Variants in ADGRV1 observed in about 807,000 individuals in gnomAD.
ADGRV1 encodes the protein adhesion G protein-coupled receptor V1, also known as G-protein coupled receptor 98.
ADGRV1 carries 359 observed loss-of-function variants against 596.2 expected under a neutral mutation model. The observed-to-expected ratio is 0.60, with a 90% CI of 0.55 to 0.66. ADGRV1 has a LOEUF of 0.66. Among genes scored for constraint, ADGRV1 ranks in the 30% least tolerant of loss-of-function variants. The probability of loss-of-function intolerance (pLI) is 0.00; values close to 1 mark genes in which losing one functional copy is unlikely to be tolerated. For synonymous variants in ADGRV1, 2,681 were observed against 2,679.2 expected (o/e 1.00, Z -0.02); for missense variants, 7,274 against 7,575.6 (o/e 0.96, Z 1.48).
At chr5:90,866,879 C>T (rs1423637112) in intron 83 of ADGRV1, among the ~76,000 whole-genome samples, 2 of 152,006 alleles carry the variant, frequency 1.3e-5, no homozygotes, top group Non-Finnish European at 2.9e-5. Flanking sequence ...AAAAAATGTA[C>T]ATATTTCTTC....
At chr5:90,917,373 T>TAATAACCTTAA (rs533601677) in intron 83 of ADGRV1, among the ~76,000 whole-genome samples, 1 of 152,124 alleles carries the variant, frequency 6.6e-6, no homozygotes, top group African/African-American at 2.4e-5. Flanking sequence ...TATTCTAATT[T>TAATAACCTTAA]AAGTGACTTT....
chr5:91,030,139 A>T (rs1208387142), intron 85 of ADGRV1, among the ~76,000 whole-genome samples: 2 of 151,974 alleles, frequency 1.3e-5, no homozygotes, highest in African/African-American at 4.8e-5. Flanking sequence ...CCAACACCAT[A>T]CTCTTTTAAT....
intron 83 of ADGRV1, among the ~76,000 whole-genome samples, chr5:90,935,883 C>G (rs564637844): frequency 3.9e-5 from 6 of 152,284 alleles, no homozygotes; most frequent in Non-Finnish European, 7.4e-5. Context: ...GAGGCTAAGG[C>G]AGGAGGATTA....
intron 89 of ADGRV1, among the ~76,000 whole-genome samples, chr5:91,159,857 G>C (rs1210924937): frequency 2.0e-5 from 3 of 152,234 alleles, no homozygotes; most frequent in African/African-American, 7.2e-5. Flanking sequence ...GATGAGGGTA[G>C]GATGGAAAGG....
At chr5:90,943,964 G>T (rs984673676) in intron 83 of ADGRV1, among the ~76,000 whole-genome samples, 5 of 152,152 alleles carry the variant, frequency 3.3e-5, no homozygotes, top group African/African-American at 1.2e-4. Context: ...TGTAGGGGGG[G>T]CACTATTCAA....
chr5:90,690,949 GTTGTCTCAGGTAATGTGACCT>G lies in ADGRV1; in HGVS notation c.6863_6883del (p.Val2288_Phe2294del). On this transcript the variant is annotated inframe_deletion, in exon 31 of 90. Transcript: ENST00000405460. ...ACAGCTTGCTACTGGCGACCTGCGAGTTGTCTCAGGTAATGTGACCTTTGCCCCTGGGGAAACCATTCAAAC... is the reference window on the plus strand; with the variant it reads ...ACAGCTTGCTACTGGCGACCTGCGAGTTGCCCCTGGGGAAACCATTCAAAC... The G allele has an allele frequency of 6.2e-7, 1 of 1,613,862 alleles. No homozygotes were observed. The highest frequency in any genetic ancestry group is 8.5e-7 in the Non-Finnish European group (1 of 1,179,806).
intron 83 of ADGRV1, among the ~76,000 whole-genome samples, chr5:90,927,146 AG>A (rs1463651294): frequency 6.6e-6 from 1 of 150,554 alleles, no homozygotes; most frequent in East Asian, 1.9e-4. Context: ...GATGTCTATT[AG>A]GTCCGCTTGG....
At chr5:90,769,720 T>C (rs575358261) in intron 59 of ADGRV1, among the ~76,000 whole-genome samples, 1 of 152,184 alleles carries the variant, frequency 6.6e-6, no homozygotes, top group Non-Finnish European at 1.5e-5. Flanking sequence ...ACTCAAGCTT[T>C]TGTTTCTTCA....
Position 90,654,782 on chromosome 5 carries a change from T to C in ADGRV1, c.4378+830T>C, listed in dbSNP as rs371518533. ...AAAGATAGGCAAAGGAAAATGCACGTATCTACCAATTTCAATCCCATGGAT... is the reference window on the plus strand; with the variant it reads ...AAAGATAGGCAAAGGAAAATGCACGCATCTACCAATTTCAATCCCATGGAT... On this transcript the variant is annotated intron_variant, in intron 20 of 89. Coordinates refer to ENST00000405460, the MANE Select transcript of ADGRV1 (RefSeq NM_032119.4). The C allele has an allele frequency of 5.9e-5, 9 of 152,344 alleles. No homozygotes were observed. The South Asian group carries it at 1.7e-3, about 28-fold the overall frequency. The allele number at this position is 152,344 out of a possible 1,614,324, so 9.4% of individuals were successfully genotyped here. A position where few individuals can be genotyped will look rare whatever the true frequency, so the allele number is the denominator to read the frequency against.
At chr5:90,743,557 C>A (rs1049973986) in intron 50 of ADGRV1, among the ~76,000 whole-genome samples, 5 of 147,432 alleles carry the variant, frequency 3.4e-5, no homozygotes, top group African/African-American at 1.3e-4. Flanking sequence ...CTGCAAGCTT[C>A]GCCCCCTGGG....
At chr5:91,041,548 A>C (rs1785354376) in intron 85 of ADGRV1, among the ~76,000 whole-genome samples, 1 of 151,854 alleles carries the variant, frequency 6.6e-6, no homozygotes, top group Admixed American at 6.6e-5. Context: ...TGACGGGTTG[A>C]TGGGTGCAGT....
Position 90,781,558 on chromosome 5 carries a change from C to T in ADGRV1, c.13211C>T (p.Pro4404Leu). ...DNAEGIIEFD[P>L]KYTAFEVEED... ...GCAGAAGGCATCATTGAATTTGACC[C>T]AAAGTATACTGCCTTCGAAGGTAGG... is the stretch of plus-strand genomic sequence containing the variant. The change falls in exon 65 of 90, where the codon CCA (proline) becomes CTA (leucine). Residue 4404 changes from proline to leucine, a missense_variant. Around this residue, in one of 5 missense-constraint regions of ADGRV1, gnomAD observed 3,643 missense variants for 3,809.2 expected, o/e 0.96. Transcript: ENST00000405460. 6.2e-7 allele frequency: 1 copy of T among 1,609,538 alleles called. No homozygotes were observed. Among genetic ancestry groups the T allele is most frequent in the Non-Finnish European group, 8.5e-7 (1 of 1,177,230 alleles).
At chr5:90,728,363 C>T (rs1183209010) in intron 48 of ADGRV1, among the ~76,000 whole-genome samples, 1 of 152,108 alleles carries the variant, frequency 6.6e-6, no homozygotes, top group Non-Finnish European at 1.5e-5. Context: ...TTCCCTTTCC[C>T]TGCTGTCAAC....
chr5:90,690,926 A>G lies in ADGRV1; in HGVS notation c.6836A>G (p.Gln2279Arg), dbSNP rs1374387670. 1 of 1,613,742 alleles carries G rather than the reference A, an allele frequency of 6.2e-7. No individual in the cohort carries two copies. Among genetic ancestry groups the G allele is most frequent in the East Asian group, 2.2e-5 (1 of 44,884 alleles). Residue 2279 changes from glutamine (Q) to arginine (R), a missense_variant, in exon 31 of 90, where the codon CAG becomes CGG. Coordinates refer to ENST00000405460, the MANE Select transcript of ADGRV1 (RefSeq NM_032119.4). ...TVQWVATING[Q>R]LATGDLRVVS... ...CAGTGGGTTGCCACCATTAATGGAC[A>G]GCTTGCTACTGGCGACCTGCGAGTT...
chr5:91,092,371 T>A lies in ADGRV1; in HGVS notation c.18311-9848T>A, dbSNP rs532594070. On this transcript the variant is annotated intron_variant, in intron 86 of 89. Coordinates refer to ENST00000405460, the MANE Select transcript of ADGRV1 (RefSeq NM_032119.4). ...GCCTCAGCCTCCTAAAGTGCTGGGA[T>A]CACAGGTGTGAGCCACCATGCCTGG... Among the ~76,000 whole-genome samples the A allele has an allele frequency of 7.2e-5, 11 of 152,324 alleles. No homozygotes were observed. The East Asian group carries it at 2.1e-3, about 29-fold the overall frequency.
intron 83 of ADGRV1, among the ~76,000 whole-genome samples, chr5:90,894,305 A>G (rs774637514): frequency 5.3e-5 from 8 of 152,112 alleles, no homozygotes; most frequent in Non-Finnish European, 8.8e-5. Flanking sequence ...TTTCATTATT[A>G]TTTTTATGCC....
chr5:90,920,408 A>C (rs4916695), intron 83 of ADGRV1, among the ~76,000 whole-genome samples: 1,869 of 151,926 alleles, frequency 0.012, 68 homozygotes, highest in Admixed American at 0.066. Flanking sequence ...CATAACAAAT[A>C]CTCTTTTGAA....
At chr5:90,988,276 A>T (rs991179587) in intron 85 of ADGRV1, among the ~76,000 whole-genome samples, 18 of 152,214 alleles carry the variant, frequency 1.2e-4, no homozygotes, top group African/African-American at 4.3e-4. Context: ...CATTATACAT[A>T]GTTCAGTATT....
At chr5:91,138,350 A>G (rs1794816652) in intron 87 of ADGRV1, among the ~76,000 whole-genome samples, 1 of 151,858 alleles carries the variant, frequency 6.6e-6, no homozygotes, top group Non-Finnish European at 1.5e-5. Flanking sequence ...GCTTCTCTGT[A>G]TTTTCTTTCT....
Sources: allele counts gnomAD v4.1 joint callset (sites outside exome capture counted in the v4.1 genomes callset), GRCh38; gene constraint gnomAD v4.1.1; regional missense constraint gnomAD v4.1.1; transcripts MANE v1.5; gene names NCBI Gene and HGNC (gene_info 2026-07-23, HGNC 2026-07-21).